Variants in SLC24A3 observed in about 807,000 individuals in gnomAD.
SLC24A3 encodes the protein solute carrier family 24 member 3.
In SLC24A3, 28 loss-of-function variants were observed where a neutral mutation model predicts 75.8. The ratio of observed to expected loss-of-function variants is 0.37; its 90% CI spans 0.27 to 0.51. The LOEUF is 0.51. Among genes scored for constraint, SLC24A3 ranks in the 20% least tolerant of loss-of-function variants. The probability of loss-of-function intolerance (pLI) is 0.94; values close to 1 mark genes in which losing one functional copy is unlikely to be tolerated. For missense variants in SLC24A3, 663 were observed against 847.8 expected (o/e 0.78, Z 2.71); for synonymous variants, 372 against 334.1 (o/e 1.11, Z -1.24).
intron 2 of SLC24A3, among the ~76,000 whole-genome samples, chr20:19,411,098 G>A (rs1016523527): frequency 2.6e-5 from 4 of 152,280 alleles, no homozygotes; most frequent in East Asian, 3.9e-4. Context: ...TTTGGGCACC[G>A]ATGGCCCATG....
intron 2 of SLC24A3, among the ~76,000 whole-genome samples, chr20:19,492,923 C>T (rs893970403): frequency 1.3e-5 from 2 of 152,150 alleles, no homozygotes; most frequent in African/African-American, 2.4e-5. Flanking sequence ...CCAGCCATAG[C>T]GATGGGATTT....
At chr20:19,502,698 C>G (rs1988401815) in intron 2 of SLC24A3, among the ~76,000 whole-genome samples, 1 of 151,776 alleles carries the variant, frequency 6.6e-6, no homozygotes, top group Middle Eastern at 3.2e-3. Flanking sequence ...TCCAGAATCT[C>G]CTGAGCCACC....
At chr20:19,227,057 C>T (rs1463455445) in intron 1 of SLC24A3, among the ~76,000 whole-genome samples, 1 of 152,206 alleles carries the variant, frequency 6.6e-6, no homozygotes, top group African/African-American at 2.4e-5. Flanking sequence ...TATCATGTAA[C>T]TTTCCAGGAA....
intron 15 of SLC24A3, among the ~76,000 whole-genome samples, chr20:19,714,272 G>C (rs1384167904): frequency 6.6e-6 from 1 of 152,028 alleles, no homozygotes; most frequent in Non-Finnish European, 1.5e-5. Context: ...AGGCATAGTG[G>C]TGTGTGCCTA....
At chr20:19,299,177 C>CGTGTGTGTGTGTGTGT (rs761006484) in intron 2 of SLC24A3, among the ~76,000 whole-genome samples, 9 of 130,320 alleles carry the variant, frequency 6.9e-5, no homozygotes, top group East Asian at 2.6e-4. Context: ...TCTTCCCCTT[C>CGTGTGTGTGTGTGTGT]GTGTGTGTGT....
At chr20:19,622,979 C>T (rs1247831945) in intron 6 of SLC24A3, among the ~76,000 whole-genome samples, 1 of 152,164 alleles carries the variant, frequency 6.6e-6, no homozygotes, top group African/African-American at 2.4e-5. Flanking sequence ...GTGAGACTCA[C>T]TCATTATTGG....
intron 8 of SLC24A3, among the ~76,000 whole-genome samples, chr20:19,669,334 T>A (rs1041506990): frequency 2.6e-5 from 4 of 152,054 alleles, no homozygotes; most frequent in African/African-American, 9.7e-5. Context: ...AAAACCCATC[T>A]CTACTGAAAA....
chr20:19,539,583 A>C (rs1333367408), intron 3 of SLC24A3, among the ~76,000 whole-genome samples: 1 of 152,198 alleles, frequency 6.6e-6, no homozygotes, highest in Non-Finnish European at 1.5e-5. Context: ...ACTAAGATTC[A>C]GAGTGGACAG....
intron 3 of SLC24A3, among the ~76,000 whole-genome samples, chr20:19,575,254 C>CAAAA (rs34789411): frequency 4.7e-4 from 34 of 72,624 alleles, no homozygotes; most frequent in Admixed American, 1.9e-3. Flanking sequence ...GAGACACTCT[C>CAAAA]AAAAAAAAAA....
chr20:19,390,007 T>C (rs1019500729), intron 2 of SLC24A3, among the ~76,000 whole-genome samples: 4 of 152,170 alleles, frequency 2.6e-5, no homozygotes, highest in African/African-American at 9.6e-5. Flanking sequence ...ATTGAGTTTG[T>C]TGTGAAAAAA....
At chr20:19,650,000 G>T (rs890716003) in intron 6 of SLC24A3, among the ~76,000 whole-genome samples, 4 of 152,180 alleles carry the variant, frequency 2.6e-5, no homozygotes, top group African/African-American at 9.7e-5. Flanking sequence ...GTGAATGGTG[G>T]TGTCAGAAAG....
rs563710220 is a variant in SLC24A3, at chr20:19,474,555, C to A, written c.272-40933C>A. ...AGTGCCATCCATCATAGAGCTGGGT[C>A]TCCGTGGAGAAAAACACTATGTGAA... On this transcript the variant is annotated intron_variant, in intron 2 of 16. Coordinates refer to ENST00000328041, the MANE Select transcript of SLC24A3 (RefSeq NM_020689.4). 2.0e-5 allele frequency among the ~76,000 whole-genome samples: 3 copies of A among 152,190 alleles called. No homozygotes were observed. In the South Asian group the frequency reaches 6.2e-4, roughly 32 times the overall value.
At chr20:19,605,441 T>C (rs192917962) in intron 6 of SLC24A3, among the ~76,000 whole-genome samples, 71 of 152,320 alleles carry the variant, frequency 4.7e-4, no homozygotes, top group African/African-American at 1.6e-3. Context: ...AATGCATCCT[T>C]GGTATTAGAA....
chr20:19,344,497 G>T (rs1273056755), intron 2 of SLC24A3, among the ~76,000 whole-genome samples: 4 of 152,170 alleles, frequency 2.6e-5, no homozygotes, highest in African/African-American at 9.7e-5. Flanking sequence ...GGCACTGGTA[G>T]CAGAGTGGGA....
intron 1 of SLC24A3, among the ~76,000 whole-genome samples, chr20:19,216,695 A>G (rs980586155): frequency 2.3e-4 from 35 of 152,324 alleles, no homozygotes; most frequent in African/African-American, 8.2e-4. Flanking sequence ...ACCTATGTGC[A>G]TGAATGTATG....
rs200019569 is a variant in SLC24A3, at chr20:19,281,022, A to T, written c.206A>T (p.Gln69Leu). ...TGGATGATGGCGAGGAAGCTGATGC[A>T]GGTGAACGACACTCTGACTTCCGAA... ...RKWMMARKLM[Q>L]VNDTLTSEDA... Residue 69 changes from glutamine (Q) to leucine (L), a missense_variant, in exon 2 of 17, where the codon CAG becomes CTG. Gln to Leu is a moderately radical substitution (Grantham distance 113, BLOSUM62 -2). Coordinates refer to ENST00000328041, the MANE Select transcript of SLC24A3 (RefSeq NM_020689.4). The T allele has an allele frequency of 1.9e-6, 3 of 1,614,068 alleles. No homozygotes were observed. Among genetic ancestry groups the T allele is most frequent in the East Asian group, 2.2e-5 (1 of 44,902 alleles).
intron 2 of SLC24A3, among the ~76,000 whole-genome samples, chr20:19,318,740 A>G (rs550503591): frequency 9.6e-4 from 146 of 152,138 alleles, no homozygotes; most frequent in Non-Finnish European, 1.9e-3. Context: ...CAGCACAAGG[A>G]CACGTGGGAT....
At chr20:19,263,649 T>A (rs1983066963) in intron 1 of SLC24A3, among the ~76,000 whole-genome samples, 1 of 152,194 alleles carries the variant, frequency 6.6e-6, no homozygotes, top group Non-Finnish European at 1.5e-5. Context: ...TGCCTTCCCT[T>A]ACCTATCAGT....
At chr20:19,400,020 C>T (rs763755593) in intron 2 of SLC24A3, among the ~76,000 whole-genome samples, 5 of 152,158 alleles carry the variant, frequency 3.3e-5, no homozygotes, top group African/African-American at 9.7e-5. Context: ...TTTATATCTT[C>T]CATGTCTCTA....
Sources: allele counts gnomAD v4.1 joint callset (sites outside exome capture counted in the v4.1 genomes callset), GRCh38; gene constraint gnomAD v4.1.1; transcripts MANE v1.5; gene names NCBI Gene and HGNC (gene_info 2026-07-23, HGNC 2026-07-21).